The following MED15 variants were observed in gnomAD, a reference collection of about 807,000 sequenced individuals.
MED15 encodes mediator complex subunit 15, also known as mediator of RNA polymerase II transcription subunit 15.
MED15 carries 41 observed loss-of-function variants against 118.7 expected under a neutral mutation model. The ratio of observed to expected loss-of-function variants is 0.35; its 90% CI spans 0.27 to 0.45. The LOEUF (loss-of-function observed/expected upper bound fraction) is 0.45. Among genes scored for constraint, MED15 ranks in the 20% least tolerant of loss-of-function variants. The probability of loss-of-function intolerance (pLI) is 1.00; values close to 1 mark genes in which losing one functional copy is unlikely to be tolerated. For missense variants in MED15, 740 were observed against 1,025.5 expected (o/e 0.72, Z 3.80); for synonymous variants, 436 against 413.9 (o/e 1.05, Z -0.65).
At chr22:20,567,404 A>G (rs1249461836) in intron 7 of MED15, among the ~76,000 whole-genome samples, 1 of 152,168 alleles carries the variant, frequency 6.6e-6, no homozygotes, top group Middle Eastern at 3.2e-3. Flanking sequence ...AGGTAGCTGC[A>G]TCAAGGGGCC....
At chr22:20,530,789 C>T (rs1376810275) in intron 1 of MED15, among the ~76,000 whole-genome samples, 2 of 152,122 alleles carry the variant, frequency 1.3e-5, no homozygotes, top group African/African-American at 2.4e-5. Flanking sequence ...CCTCAGGGTA[C>T]ACTGCAGGTG....
chr22:20,556,002 C>T (rs1224670211), intron 5 of MED15, among the ~76,000 whole-genome samples: 2 of 152,224 alleles, frequency 1.3e-5, no homozygotes, highest in Non-Finnish European at 2.9e-5. Flanking sequence ...GGATTACAGG[C>T]GTGAGCCAAC....
intron 2 of MED15, among the ~76,000 whole-genome samples, chr22:20,539,130 G>T (rs892642703): frequency 6.6e-6 from 1 of 150,954 alleles, no homozygotes; most frequent in Non-Finnish European, 1.5e-5. Flanking sequence ...ATGGAGTCTC[G>T]CTCTGTCACC....
intron 2 of MED15, among the ~76,000 whole-genome samples, chr22:20,547,138 C>T (rs2055575023): frequency 6.6e-6 from 1 of 152,130 alleles, no homozygotes; most frequent in Non-Finnish European, 1.5e-5. Context: ...ACTTTAAAAT[C>T]ATTTCAGAAT....
At chr22:20,551,140 C>T (rs2055757590) in intron 2 of MED15, 5 of 592,248 alleles carry the variant, frequency 8.4e-6, no homozygotes, top group Non-Finnish European at 1.6e-5. Context: ...GAAGAGAGGG[C>T]ACTCAAGATG....
At chr22:20,521,794 C>T (rs2054472469) in intron 1 of MED15, among the ~76,000 whole-genome samples, 1 of 150,610 alleles carries the variant, frequency 6.6e-6, no homozygotes, top group South Asian at 2.1e-4. Context: ...GGCTCAATCT[C>T]ACCTCACTGC....
intron 2 of MED15, among the ~76,000 whole-genome samples, chr22:20,545,668 G>T (rs914691826): frequency 9.9e-5 from 15 of 152,024 alleles, no homozygotes; most frequent in Non-Finnish European, 1.6e-4. Flanking sequence ...TCCCTTGGTG[G>T]CCAGGTCAGG....
At chr22:20,535,761 G>A (rs1177740137) in intron 1 of MED15, among the ~76,000 whole-genome samples, 9 of 151,686 alleles carry the variant, frequency 5.9e-5, no homozygotes, top group East Asian at 1.9e-4. Flanking sequence ...GGGTTTCACT[G>A]TGTTAGCCAG....
At chr22:20,576,843 G>A (rs1471162736) in intron 9 of MED15, among the ~76,000 whole-genome samples, 2 of 152,162 alleles carry the variant, frequency 1.3e-5, no homozygotes, top group African/African-American at 2.4e-5. Flanking sequence ...TTTGGGTTCT[G>A]CACTCTTGTC....
Position 20,566,526 on chromosome 22 carries a change from ACAGCAGCAG to A in MED15, c.778_786del (p.Gln260_Gln262del). Reference sequence around the variant, plus strand: ...CACAGCTGCAGCTCCAACAACAGCAACAGCAGCAGCAGCAGCAGCAGCAGCAGCAGCAGC... The same window carrying A: ...CACAGCTGCAGCTCCAACAACAGCAACAGCAGCAGCAGCAGCAGCAGCAGC... On this transcript the variant is annotated inframe_deletion, in exon 7 of 18. Transcript: ENST00000263205. 4,700 of 1,601,772 alleles carry A rather than the reference ACAGCAGCAG, an allele frequency of 2.9e-3. 7 individuals are homozygous for A. The highest frequency in any genetic ancestry group is 7.7e-3 in the African/African-American group (571 of 74,602).
intron 1 of MED15, among the ~76,000 whole-genome samples, chr22:20,510,321 G>GGT (rs2054019835): frequency 6.6e-6 from 1 of 152,140 alleles, no homozygotes; most frequent in Non-Finnish European, 1.5e-5. Context: ...GGGAGGCGGA[G>GGT]GTTGCAGTGA....
chr22:20,528,853 G>A (rs777895094), intron 1 of MED15, among the ~76,000 whole-genome samples: 3 of 152,196 alleles, frequency 2.0e-5, no homozygotes, highest in South Asian at 2.1e-4. Context: ...GTGACTATCC[G>A]TTTCATGCTT....
In MED15 at chr22:20,568,523, C is replaced by G; in HGVS notation, c.1044C>G (p.Val348=). 6.2e-7 allele frequency: 1 copy of G among 1,613,680 alleles called. No homozygotes were observed. Among genetic ancestry groups the G allele is most frequent in the Non-Finnish European group, 8.5e-7 (1 of 1,179,984 alleles). ...MLYTQPPLKF[V]RAPMVVQQPP... Reference sequence around the variant, plus strand: ...ACATTCTCTCTTTCTCCCTCAAGGTCCGAGCTCCGATGGTGGTGCAGCAGC... The same window carrying G: ...ACATTCTCTCTTTCTCCCTCAAGGTGCGAGCTCCGATGGTGGTGCAGCAGC... Residue 348 remains valine (V), a splice_region_variant and synonymous_variant, in exon 8 of 18, where the codon GTC becomes GTG. Transcript: ENST00000263205.
chr22:20,583,243 C>T lies in MED15; in HGVS notation c.1668C>T (p.Asn556=), dbSNP rs770051230. ...LRRMINKIDK[N]EDRKKDLSKM... Reference sequence around the variant, plus strand: ...GCATGATCAACAAGATCGACAAGAACGAAGGTAGGCTGCAGCCAGGGCAGG... The same window carrying T: ...GCATGATCAACAAGATCGACAAGAATGAAGGTAGGCTGCAGCCAGGGCAGG... Residue 556 remains asparagine, a synonymous_variant, in exon 12 of 18, where the codon AAC becomes AAT. Coordinates refer to ENST00000263205, the MANE Select transcript of MED15 (RefSeq NM_001003891.3). 18 of 1,611,422 alleles carry T rather than the reference C, an allele frequency of 1.1e-5. No homozygotes were observed. The highest frequency in any genetic ancestry group is 5.0e-5 in the Admixed American group (3 of 59,958).
chr22:20,582,674 C>T lies in MED15; in HGVS notation c.1336C>T (p.Gln446Ter). 6.3e-7 allele frequency: 1 copy of T among 1,596,762 alleles called. No individual in the cohort carries two copies. ...ACCGGGCCAGCAGGTGCAGACCCCG[C>T]AGTCGATGCCCCCTCCCCCCCAGCC... is the stretch of plus-strand genomic sequence containing the variant. Reference protein sequence around the residue: ...PSPGQQVQTPQSMPPPPQPSP... With the variant: ...PSPGQQVQTP Residue 446 changes from glutamine (Q) to a stop codon, truncating the protein, a stop_gained, in exon 10 of 18, where the codon CAG (glutamine) becomes TAG (stop). Transcript: ENST00000263205. LOFTEE classifies it high-confidence loss of function.
chr22:20,545,682 G>A lies in MED15; in HGVS notation c.157-5754G>A, dbSNP rs977471255. On this transcript the variant is annotated intron_variant, in intron 2 of 17. Coordinates refer to ENST00000263205, the MANE Select transcript of MED15 (RefSeq NM_001003891.3). ...TTCCCTTGGTGGCCAGGTCAGGGCC[G>A]TGTGGTTTCCTTGGGTGGGGGGCAC... Among the ~76,000 whole-genome samples the A allele has an allele frequency of 3.3e-5, 5 of 152,170 alleles. 1 individual carries two copies. Among genetic ancestry groups the A allele is most frequent in the Admixed American group, 2.0e-4 (3 of 15,288 alleles).
Position 20,552,361 on chromosome 22 carries a change from G to A in MED15, c.209-784G>A, listed in dbSNP as rs559532376. 3.9e-5 allele frequency among the ~76,000 whole-genome samples: 6 copies of A among 152,344 alleles called. No individual in the cohort carries two copies. In the South Asian group the frequency reaches 1.2e-3, roughly 32 times the overall value. ...AAAGGGAGACATTGAGCACTCCAGAGCCTGGTAGGTTTTGCTTCTTTCCAC... is the reference window on the plus strand; with the variant it reads ...AAAGGGAGACATTGAGCACTCCAGAACCTGGTAGGTTTTGCTTCTTTCCAC... On this transcript the variant is annotated intron_variant, in intron 3 of 17. Coordinates refer to ENST00000263205, the MANE Select transcript of MED15 (RefSeq NM_001003891.3).
rs779998151 is a variant in MED15, at chr22:20,551,698, A to G, written c.208+211A>G. On this transcript the variant is annotated intron_variant, in intron 3 of 17. Transcript: ENST00000263205. ...CCTTGGCCTCAAAAATGCTGATTCT[A>G]GCATCATGGAAATGCTGTCCTCAAA... 36 of 602,246 alleles carry G rather than the reference A, an allele frequency of 6.0e-5. 1 individual carries two copies. Among genetic ancestry groups the G allele is most frequent in the Middle Eastern group, 4.4e-4 (1 of 2,268 alleles). 37.3% of individuals were successfully genotyped at this position (602,246 alleles called of 1,614,324 possible). A position where few individuals can be genotyped will look rare whatever the true frequency, so the allele number is the denominator to read the frequency against.
intron 2 of MED15, among the ~76,000 whole-genome samples, chr22:20,546,364 A>G (rs972724110): frequency 2.0e-5 from 3 of 152,184 alleles, no homozygotes; most frequent in Non-Finnish European, 2.9e-5. Context: ...TGATATTCCC[A>G]TAAGACCACA....
Sources: gnomAD v4.1 joint callset for allele counts (sites outside exome capture counted in the v4.1 genomes callset) on GRCh38, gnomAD v4.1.1 for gene constraint, MANE v1.5 for transcripts, NCBI Gene and HGNC (gene_info 2026-07-23, HGNC 2026-07-21) for gene names.